The following AFTPH variants were observed in gnomAD, a reference collection of about 807,000 sequenced individuals.
AFTPH encodes the protein aftiphilin.
AFTPH carries 7 observed loss-of-function variants against 72.5 expected under a neutral mutation model. The observed-to-expected ratio is 0.10, with a 90% confidence interval of 0.05 to 0.18. The LOEUF (loss-of-function observed/expected upper bound fraction) is 0.18. Among genes scored for constraint, AFTPH ranks in the 10% least tolerant of loss-of-function variants. The pLI is 1.00. For synonymous variants in AFTPH, 337 were observed against 370.1 expected (o/e 0.91, Z 1.03); for missense variants, 979 against 1,060.5 (o/e 0.92, Z 1.07).
chr2:64,587,437 C>G (rs956804904), intron 8 of AFTPH, among the ~76,000 whole-genome samples: 1 of 152,188 alleles, frequency 6.6e-6, no homozygotes. Context: ...CTCAATCGTA[C>G]AGAGCAGAGA....
At chr2:64,585,468 C>T (rs1673449922) in exon 8 of AFTPH, 2 of 1,613,712 alleles carry the variant, frequency 1.2e-6, no homozygotes, top group Non-Finnish European at 1.7e-6. Context: ...AGCTGGAAAT[C>T]TCCACCTCAA....
intron 7 of AFTPH, 154 bp downstream of exon 7, chr2:64,579,700 C>A (rs1470970324): frequency 3.3e-6 from 2 of 606,298 alleles, no homozygotes. Context: ...AGTAATTGCT[C>A]AAGAAACCAG....
intron 1 of AFTPH, among the ~76,000 whole-genome samples, chr2:64,539,542 T>C (rs942174392): frequency 1.3e-5 from 2 of 152,186 alleles, no homozygotes; most frequent in Non-Finnish European, 2.9e-5. Context: ...TCATAACTTA[T>C]TTGGTGAAGC....
intron 1 of AFTPH, among the ~76,000 whole-genome samples, chr2:64,529,577 T>C (rs947847459): frequency 2.0e-5 from 3 of 152,002 alleles, no homozygotes. Flanking sequence ...AATAGTCTTA[T>C]TGCAGAGGCA....
intron 1 of AFTPH, among the ~76,000 whole-genome samples, chr2:64,547,175 A>G (rs1244405675): frequency 6.6e-6 from 1 of 152,248 alleles, no homozygotes; most frequent in Non-Finnish European, 1.5e-5. Context: ...TCCCAGTAGC[A>G]ACCTTTATAG....
At chr2:64,581,956 G>A (rs146060858) in intron 7 of AFTPH, among the ~76,000 whole-genome samples, 1,784 of 152,336 alleles carry the variant, frequency 0.012, 14 homozygotes, top group Non-Finnish European at 0.017. Context: ...GCCTGTTAAT[G>A]TTCAGCCCTG....
chr2:64,591,565 T>G (rs562922318), intron 8 of AFTPH, among the ~76,000 whole-genome samples: 2 of 152,340 alleles, frequency 1.3e-5, no homozygotes, highest in East Asian at 3.9e-4. Flanking sequence ...AGTAACATTT[T>G]AAAATTATGC....
intron 7 of AFTPH, among the ~76,000 whole-genome samples, chr2:64,585,022 A>T (rs1673427550): frequency 6.6e-6 from 1 of 152,208 alleles, no homozygotes; most frequent in Admixed American, 6.5e-5. Context: ...AAAATTTTTA[A>T]AATGAGATTA....
intron 5 of AFTPH, 32 bp from the exon 6 acceptor site, chr2:64,572,914 A>G (rs749812273): frequency 1.9e-6 from 3 of 1,613,556 alleles, no homozygotes; most frequent in South Asian, 2.2e-5. Context: ...GTGCACCCCC[A>G]TCCCCATTAA....
intron 2 of AFTPH, among the ~76,000 whole-genome samples, chr2:64,561,947 T>A (rs1180981991): frequency 6.6e-6 from 1 of 152,174 alleles, no homozygotes; most frequent in East Asian, 1.9e-4. Flanking sequence ...TGGCTAGAAA[T>A]GTTTGAAAGA....
chr2:64,562,043 A>C (rs779535162), intron 2 of AFTPH, among the ~76,000 whole-genome samples: 1 of 152,206 alleles, frequency 6.6e-6, no homozygotes, highest in Non-Finnish European at 1.5e-5. Context: ...GCTGTGTACT[A>C]TACCACCAGT....
intron 1 of AFTPH, among the ~76,000 whole-genome samples, chr2:64,545,570 T>TTAAAAAAAA (rs1670535024): frequency 4.1e-5 from 1 of 24,172 alleles, no homozygotes; most frequent in South Asian, 2.4e-3. Context: ...CCACCAGCAG[T>TTAAAAAAAA]AAAAAAAAAA....
At chr2:64,546,942 G>C (rs894163499) in intron 1 of AFTPH, among the ~76,000 whole-genome samples, 1 of 152,066 alleles carries the variant, frequency 6.6e-6, no homozygotes, top group Middle Eastern at 3.2e-3. Context: ...CCAGCTGCTT[G>C]GGAGGCTGAG....
intron 2 of AFTPH, among the ~76,000 whole-genome samples, chr2:64,555,566 C>T (rs1306798343): frequency 6.7e-6 from 1 of 149,722 alleles, no homozygotes; most frequent in Admixed American, 6.6e-5. Flanking sequence ...CACACACACA[C>T]ACACACACAC....
intron 1 of AFTPH, among the ~76,000 whole-genome samples, chr2:64,550,840 T>C (rs1671002842): frequency 6.6e-6 from 1 of 152,112 alleles, no homozygotes; most frequent in South Asian, 2.1e-4. Flanking sequence ...TATATTACCA[T>C]TGGGAGAAGC....
At position 64,536,566 on chromosome 2, in the gene AFTPH, TAAAAAAA is replaced by T. The variant is rs142981388; in HGVS notation, c.-33+11971_-33+11977del. On this transcript the variant is annotated intron_variant, in intron 1 of 8. Coordinates refer to ENST00000238856, the Ensembl canonical transcript of AFTPH. ...GACAGAGCAGAGCGAGACTCCATCT[TAAAAAAA>T]AAAAAAAAAAAAAAAAGAATATAGA... Among the ~76,000 whole-genome samples the T allele has an allele frequency of 7.4e-5, 8 of 107,662 alleles. 1 individual carries two copies. Among genetic ancestry groups the T allele is most frequent in the Admixed American group, 4.4e-4 (4 of 9,172 alleles). 70.6% of individuals were successfully genotyped at this position (107,662 alleles called of 152,430 possible).
exon 2 of AFTPH, chr2:64,552,148 C>G: frequency 6.2e-7 from 1 of 1,614,064 alleles, no homozygotes; most frequent in South Asian, 1.1e-5. Flanking sequence ...GACTCTGTAC[C>G]TAGTCCTGCT....
intron 2 of AFTPH, among the ~76,000 whole-genome samples, chr2:64,564,122 G>T (rs1049734864): frequency 3.3e-5 from 5 of 151,982 alleles, no homozygotes; most frequent in African/African-American, 1.2e-4. Flanking sequence ...AACTCAATAG[G>T]ATGACCTTGG....
exon 9 of AFTPH, chr2:64,591,909 C>A (rs1673849624): frequency 6.2e-7 from 1 of 1,613,750 alleles, no homozygotes; most frequent in African/African-American, 1.3e-5. Context: ...GAGAAGAGCA[C>A]CTAAGTGAAG....
Sources: gnomAD v4.1 joint callset for allele counts (sites outside exome capture counted in the v4.1 genomes callset) on GRCh38, gnomAD v4.1.1 for gene constraint, MANE v1.5 for transcripts, NCBI Gene and HGNC (gene_info 2026-07-23, HGNC 2026-07-21) for gene names.